PPARGC1A: variants seen among roughly 807,000 people sequenced by gnomAD.
PPARGC1A encodes the protein peroxisome proliferator-activated receptor gamma coactivator 1-alpha.
In PPARGC1A, 25 loss-of-function variants were observed where a neutral mutation model predicts 88.7. The observed-to-expected ratio is 0.28, with a 90% CI of 0.21 to 0.39. The LOEUF is 0.39. Ranked by LOEUF, PPARGC1A falls within the 10% of genes least tolerant of loss-of-function variation. The pLI is 1.00. For synonymous variants in PPARGC1A, 363 were observed against 355.6 expected, an observed-to-expected ratio of 1.02 and a Z score of -0.24; for missense variants, 880 against 968.7, an observed-to-expected ratio of 0.91 and a Z score of 1.22.
intron 2 of PPARGC1A, among the ~76,000 whole-genome samples, chr4:23,861,930 CT>C (rs1161911263): frequency 6.6e-6 from 1 of 152,200 alleles, no homozygotes; most frequent in Non-Finnish European, 1.5e-5. Flanking sequence ...CAATAAAAGA[CT>C]TTAAAGCTAG....
Position 23,795,670 on chromosome 4 carries a change from C to T in PPARGC1A, c.*152G>A. 3.5e-6 allele frequency: 2 copies of T among 566,748 alleles called. No homozygotes were observed. Among genetic ancestry groups the T allele is most frequent in the Admixed American group, 3.7e-5 (1 of 26,806 alleles). 35.1% of individuals were successfully genotyped at this position (566,748 alleles called of 1,614,324 possible). A position where few individuals can be genotyped will look rare whatever the true frequency, so the allele number is the denominator to read the frequency against. ...CATTGTTGTTATTGTTGTTGTTGTT[C>T]TTGTTGTATTGTTGTTGTTTTGTTT... On this transcript the variant is annotated 3_prime_UTR_variant, in exon 13 of 13. Coordinates refer to ENST00000264867, the MANE Select transcript of PPARGC1A (RefSeq NM_013261.5).
chr4:23,890,627 T>G (rs1454515389), upstream of PPARGC1A, among the ~76,000 whole-genome samples: 28 of 86,386 alleles, frequency 3.2e-4, no homozygotes, highest in African/African-American at 1.2e-3. Flanking sequence ...TTTTTTTTTT[T>G]GCTTGTTTAA....
At chr4:24,365,153 G>GAAA in the PPARGC1A span, among the ~76,000 whole-genome samples, 1 of 133,272 alleles carries the variant, frequency 7.5e-6, no homozygotes, top group Non-Finnish European at 1.6e-5. Flanking sequence ...AGATGGCATT[G>GAAA]AAAAAAAAAA....
At chr4:24,332,348 G>A in the PPARGC1A span, among the ~76,000 whole-genome samples, 5 of 152,202 alleles carry the variant, frequency 3.3e-5, no homozygotes, top group East Asian at 9.7e-4. Context: ...GGCCAAGCAG[G>A]CTTAGTACGA....
chr4:23,941,172 C>T, the PPARGC1A span, among the ~76,000 whole-genome samples: 3 of 152,270 alleles, frequency 2.0e-5, no homozygotes, highest in Non-Finnish European at 4.4e-5. Context: ...CCACCTTAGC[C>T]TCCCACGTAG....
intron 2 of PPARGC1A, among the ~76,000 whole-genome samples, chr4:23,835,038 A>G (rs982956590): frequency 1.3e-5 from 2 of 152,220 alleles, no homozygotes; most frequent in African/African-American, 4.8e-5. Flanking sequence ...CCGTTTTTCA[A>G]AAAGGCTTAT....
chr4:23,813,602 G>T (rs1230623631), intron 8 of PPARGC1A, 88 bp downstream of exon 8: 16 of 1,252,514 alleles, frequency 1.3e-5, no homozygotes, highest in Non-Finnish European at 1.6e-5. Flanking sequence ...CAGAATGGCT[G>T]CAGATTTCAA....
the PPARGC1A span, among the ~76,000 whole-genome samples, chr4:24,400,970 A>G: frequency 6.7e-6 from 1 of 150,152 alleles, no homozygotes; most frequent in Non-Finnish European, 1.5e-5. Flanking sequence ...GAACATATGA[A>G]CCTGTATCAG....
At chr4:23,936,739 T>G in the PPARGC1A span, among the ~76,000 whole-genome samples, 1 of 152,036 alleles carries the variant, frequency 6.6e-6, no homozygotes, top group Non-Finnish European at 1.5e-5. Flanking sequence ...GGCGTCTTGG[T>G]GCGTGCCTGT....
chr4:24,008,003 T>C, the PPARGC1A span, among the ~76,000 whole-genome samples: 1 of 152,122 alleles, frequency 6.6e-6, no homozygotes, highest in African/African-American at 2.4e-5. Flanking sequence ...TTGGGAGCAA[T>C]ACCCAGAGAA....
the PPARGC1A span, among the ~76,000 whole-genome samples, chr4:24,450,186 C>A: frequency 6.6e-6 from 1 of 152,182 alleles, no homozygotes; most frequent in African/African-American, 2.4e-5. Flanking sequence ...AATGGTCTCT[C>A]GTAAACATGG....
At chr4:24,294,336 C>T in the PPARGC1A span, among the ~76,000 whole-genome samples, 1 of 152,118 alleles carries the variant, frequency 6.6e-6, no homozygotes, top group African/African-American at 2.4e-5. Context: ...CATTAATACA[C>T]AGGTAATGTC....
At chr4:24,470,277 G>GACACACAC in the PPARGC1A span, among the ~76,000 whole-genome samples, 5,875 of 110,518 alleles carry the variant, frequency 0.053, 232 homozygotes, top group Admixed American at 0.07. This position sits in a 1 kb window ranked among gnomAD's most constrained non-coding sequence, Gnocchi z 5.8. Context: ...GACAGACACA[G>GACACACAC]ACACACACAC....
intron 2 of PPARGC1A, among the ~76,000 whole-genome samples, chr4:23,837,465 C>T (rs1327572969): frequency 6.6e-6 from 1 of 151,534 alleles, no homozygotes; most frequent in East Asian, 1.9e-4. Context: ...AGTGTATATT[C>T]CCATCAACTT....
chr4:24,316,046 T>G, the PPARGC1A span, among the ~76,000 whole-genome samples: 2 of 152,204 alleles, frequency 1.3e-5, no homozygotes, highest in Admixed American at 1.3e-4. Context: ...CCCAAGACTT[T>G]TCATTCTGAC....
chr4:24,387,575 T>C, the PPARGC1A span, among the ~76,000 whole-genome samples: 557 of 151,718 alleles, frequency 3.7e-3, 6 homozygotes, highest in African/African-American at 0.013. Context: ...AATACAAAAA[T>C]TAGCTGAGCA....
At chr4:23,859,014 A>G (rs1471514811) in intron 2 of PPARGC1A, among the ~76,000 whole-genome samples, 3 of 150,118 alleles carry the variant, frequency 2.0e-5, no homozygotes, top group African/African-American at 7.3e-5. Flanking sequence ...ATAAATTTAT[A>G]TAATACAAAT....
the PPARGC1A span, among the ~76,000 whole-genome samples, chr4:24,158,629 C>A: frequency 6.6e-6 from 1 of 152,136 alleles, no homozygotes; most frequent in South Asian, 2.1e-4. Context: ...AGGACACTGA[C>A]CAATTCCTCA....
intron 2 of PPARGC1A, among the ~76,000 whole-genome samples, chr4:23,864,582 T>C (rs1731819983): frequency 6.6e-6 from 1 of 152,192 alleles, no homozygotes; most frequent in Non-Finnish European, 1.5e-5. Flanking sequence ...ATGGTGAACA[T>C]GCACTCAAGA....
Sources: gnomAD v4.1 joint callset for allele counts (sites outside exome capture counted in the v4.1 genomes callset) on GRCh38, gnomAD v4.1.1 for gene constraint, Gnocchi (gnomAD v3.1) non-coding constraint, MANE v1.5 for transcripts, NCBI Gene and HGNC (gene_info 2026-07-23, HGNC 2026-07-21) for gene names.